The following RNF150 variants were observed in gnomAD, a reference collection of about 807,000 sequenced individuals.
RNF150 encodes the protein ring finger protein 150.
A neutral mutation model predicts 39.3 loss-of-function variants in RNF150; 24 were observed. That is an observed-to-expected ratio of 0.61 (90% CI 0.44 to 0.86). The LOEUF (loss-of-function observed/expected upper bound fraction) is 0.86, where lower values mean the gene tolerates loss of function less well. RNF150 is among the 40% of genes least tolerant of loss of function. RNF150 has a pLI of 0.00. For missense variants in RNF150, 502 were observed against 587.8 expected (o/e 0.85, Z 1.51); for synonymous variants, 255 against 227.3 (o/e 1.12, Z -1.10).
Position 140,911,331 on chromosome 4 carries a change from G to C in RNF150, c.1011C>G (p.Asp337Glu). 1 of 1,614,146 alleles carries C rather than the reference G, an allele frequency of 6.2e-7. No individual in the cohort carries two copies. The highest frequency in any genetic ancestry group is 8.5e-7 in the Non-Finnish European group (1 of 1,180,018). Residue 337 changes from aspartate to glutamate, a missense_variant, in exon 6 of 7, where the codon GAC (aspartate) becomes GAG (glutamate). Asp to Glu is a conservative substitution (Grantham distance 45). Coordinates refer to ENST00000515673, the MANE Select transcript of RNF150 (RefSeq NM_020724.2). ...GIPPNADCMD[D>E]LPTDFEGSLG... The stretch of plus-strand genomic sequence containing the variant: ...GAGAGCCCTCGAAGTCAGTGGGCAA[G>C]TCGTCCATGCAGTCGGCATTGGGCT...
intron 1 of RNF150, among the ~76,000 whole-genome samples, chr4:141,192,689 G>A (rs538120835): frequency 2.6e-5 from 4 of 152,270 alleles, no homozygotes; most frequent in South Asian, 2.1e-4. Context: ...CCCGCACAAC[G>A]CAGAAGCAAA....
intron 1 of RNF150, among the ~76,000 whole-genome samples, chr4:141,059,039 G>A (rs1416346960): frequency 6.6e-6 from 1 of 152,150 alleles, no homozygotes; most frequent in Non-Finnish European, 1.5e-5. Context: ...TGTCAGCTTA[G>A]GTTTCTTCAC....
intron 1 of RNF150, among the ~76,000 whole-genome samples, chr4:141,062,868 C>T (rs903182891): frequency 3.9e-5 from 6 of 152,136 alleles, no homozygotes; most frequent in Non-Finnish European, 5.9e-5. Flanking sequence ...GTCCACTGTT[C>T]CCATCCTCAT....
chr4:141,082,350 C>T (rs950500244), intron 1 of RNF150, among the ~76,000 whole-genome samples: 2 of 152,162 alleles, frequency 1.3e-5, no homozygotes, highest in Non-Finnish European at 2.9e-5. Context: ...AATTTTGAAA[C>T]CAATGCACAA....
intron 1 of RNF150, among the ~76,000 whole-genome samples, chr4:141,128,589 G>T (rs1275005624): frequency 3.3e-5 from 5 of 152,094 alleles, no homozygotes; most frequent in African/African-American, 9.7e-5. Context: ...TTCACTTCTG[G>T]GGCTTTTACT....
intron 1 of RNF150, among the ~76,000 whole-genome samples, chr4:141,082,245 TA>T (rs368962729): frequency 1.4e-3 from 220 of 152,336 alleles, no homozygotes; most frequent in African/African-American, 5.0e-3. Flanking sequence ...GAAAAAAGCC[TA>T]AAGGCAACAT....
chr4:141,059,837 AT>A (rs1455615784), intron 1 of RNF150, among the ~76,000 whole-genome samples: 1 of 152,134 alleles, frequency 6.6e-6, no homozygotes, highest in Non-Finnish European at 1.5e-5. Flanking sequence ...ATTCTCAGCC[AT>A]TTAAAAAAAG....
At chr4:141,184,005 T>C (rs1727958323) in intron 1 of RNF150, among the ~76,000 whole-genome samples, 1 of 152,218 alleles carries the variant, frequency 6.6e-6, no homozygotes, top group Admixed American at 6.5e-5. Context: ...TGATTTATAA[T>C]CCTTTGGGTA....
chr4:140,925,859 T>A, intron 5 of RNF150, 118 bp downstream of exon 5: 1 of 703,676 alleles, frequency 1.4e-6, no homozygotes, highest in South Asian at 1.8e-5. Context: ...TGTAAGATGA[T>A]GTGACTGCTA....
At chr4:141,186,725 G>A (rs1413589505) in intron 1 of RNF150, among the ~76,000 whole-genome samples, 2 of 151,984 alleles carry the variant, frequency 1.3e-5, no homozygotes, top group Non-Finnish European at 2.9e-5. Flanking sequence ...TTTTTATTGT[G>A]TCTATTTGAT....
intron 4 of RNF150, among the ~76,000 whole-genome samples, chr4:140,930,061 T>C (rs1465228451): frequency 1.3e-5 from 2 of 152,122 alleles, no homozygotes; most frequent in Non-Finnish European, 2.9e-5. Context: ...CTTGGGAGGC[T>C]GACATGGGAG....
At chr4:141,008,895 G>T (rs549992218) in intron 1 of RNF150, among the ~76,000 whole-genome samples, 1 of 152,070 alleles carries the variant, frequency 6.6e-6, no homozygotes, top group East Asian at 1.9e-4. Flanking sequence ...TAAGCGCTTT[G>T]CATTTTTACA....
At chr4:140,888,194 G>A (rs1729644268) in intron 6 of RNF150, among the ~76,000 whole-genome samples, 1 of 152,168 alleles carries the variant, frequency 6.6e-6, no homozygotes, top group Non-Finnish European at 1.5e-5. Flanking sequence ...GTATGTTGGG[G>A]GATGGGGAGG....
At chr4:141,099,023 C>T (rs895990492) in intron 1 of RNF150, among the ~76,000 whole-genome samples, 3 of 152,030 alleles carry the variant, frequency 2.0e-5, no homozygotes, top group African/African-American at 7.3e-5. Context: ...TGAAATGTGG[C>T]GATTTGGTGA....
Position 141,066,853 on chromosome 4 carries a change from A to G in RNF150, c.484+65472T>C, listed in dbSNP as rs565320238. ...AGGGCTATATTTTGAGAAATGTGTC[A>G]TTAGTTGACTTTGTTGTTGTGCAAA... On this transcript the variant is annotated intron_variant, in intron 1 of 6. Transcript: ENST00000515673. Among the ~76,000 whole-genome samples the G allele has an allele frequency of 1.7e-4, 26 of 152,292 alleles. No homozygotes were observed. In the South Asian group the frequency reaches 5.2e-3, roughly 30 times the overall value.
intron 4 of RNF150, among the ~76,000 whole-genome samples, chr4:140,939,913 CTA>C (rs987270396): frequency 2.0e-5 from 3 of 152,208 alleles, no homozygotes; most frequent in African/African-American, 7.2e-5. Flanking sequence ...GTCTATCTCT[CTA>C]TGTCACAGTG....
intron 1 of RNF150, among the ~76,000 whole-genome samples, chr4:141,117,924 C>T (rs1308767029): frequency 6.6e-6 from 1 of 152,156 alleles, no homozygotes; most frequent in African/African-American, 2.4e-5. Flanking sequence ...AGAAAGAATG[C>T]CTTGGCTTAT....
At position 141,164,363 on chromosome 4, in the gene RNF150, A is replaced by AATTAGAAAAC. The variant is rs571780935; in HGVS notation, c.-6+48430_-6+48431insGTTTTCTAAT. Among the ~76,000 whole-genome samples the AATTAGAAAAC allele has an allele frequency of 2.7e-3, 404 of 152,308 alleles. 1 individual carries two copies. The highest frequency in any genetic ancestry group is 9.2e-3 in the African/African-American group (382 of 41,568). On this transcript the variant is annotated intron_variant, in intron 1 of 7. Coordinates refer to the RNF150 transcript ENST00000420921. ...GGAAAGTGACAGTCAGAATAGAACCAAATTAGAAAACACTCATCAGGATAT... is the reference window on the plus strand; with the variant it reads ...GGAAAGTGACAGTCAGAATAGAACCAATTAGAAAACAATTAGAAAACACTCATCAGGATAT...
intron 1 of RNF150, among the ~76,000 whole-genome samples, chr4:141,077,100 GAGA>G (rs113434753): frequency 3.9e-5 from 6 of 152,208 alleles, no homozygotes; most frequent in African/African-American, 1.2e-4. Context: ...CATATTGGGG[GAGA>G]AGAAGTAAAA....
Sources: gnomAD v4.1 joint callset for allele counts (sites outside exome capture counted in the v4.1 genomes callset) on GRCh38, gnomAD v4.1.1 for gene constraint, MANE v1.5 for transcripts, NCBI Gene and HGNC (gene_info 2026-07-23, HGNC 2026-07-21) for gene names.